The following SLC6A17 variants were observed in gnomAD, a reference collection of about 807,000 sequenced individuals.
SLC6A17 encodes sodium-dependent neutral amino acid transporter SLC6A17.
Under a neutral mutation model 64.5 loss-of-function variants are expected in SLC6A17, and 21 were observed. The ratio of observed to expected loss-of-function variants is 0.33; its 90% CI spans 0.23 to 0.47. The LOEUF is 0.47. SLC6A17 is among the 20% of genes least tolerant of loss of function. The pLI is 1.00. For synonymous variants in SLC6A17, 372 were observed against 399.5 expected, an observed-to-expected ratio of 0.93 and a Z score of 0.82; for missense variants, 682 against 963.2, an observed-to-expected ratio of 0.71 and a Z score of 3.86.
chr1:110,191,979 A>G lies in SLC6A17; in HGVS notation c.872A>G (p.Lys291Arg). 3 of 1,613,624 alleles carry G rather than the reference A, an allele frequency of 1.9e-6. No homozygotes were observed. Among genetic ancestry groups the G allele is most frequent in the Non-Finnish European group, 2.5e-6 (3 of 1,179,664 alleles). ...CTTGGTCTTCTGCCATAGCTGGACA[A>G]GATGCTGGACCCCCAGGTGTGGCGG... ...ILHMFTPKLD[K>R]MLDPQVWREA... The change falls in exon 7 of 12, where the codon AAG becomes AGG. Residue 291 changes from lysine (K) to arginine (R), a missense_variant. By Grantham distance (26) the Lys-to-Arg change is conservative (BLOSUM62 2). Around this residue, in one of 3 missense-constraint regions of SLC6A17, gnomAD observed 415 missense variants for 603.8 expected, o/e 0.69. Coordinates refer to ENST00000331565, the MANE Select transcript of SLC6A17 (RefSeq NM_001010898.4).
intron 3 of SLC6A17, among the ~76,000 whole-genome samples, chr1:110,173,294 G>C (rs1394362659): frequency 1.1e-4 from 16 of 152,230 alleles, no homozygotes; most frequent in Non-Finnish European, 1.5e-4. Flanking sequence ...TCTCACTGAT[G>C]CAGGAGACAG....
At chr1:110,175,468 A>G (rs1056929048) in intron 5 of SLC6A17, among the ~76,000 whole-genome samples, 3 of 152,166 alleles carry the variant, frequency 2.0e-5, no homozygotes, top group Non-Finnish European at 2.9e-5. Flanking sequence ...GCCAAGCCCC[A>G]CACCTCTTCC....
At chr1:110,197,091 G>T (rs908590537) in intron 10 of SLC6A17, among the ~76,000 whole-genome samples, 2 of 152,192 alleles carry the variant, frequency 1.3e-5, no homozygotes, top group African/African-American at 4.8e-5. Flanking sequence ...TTTTCCAGCA[G>T]GGGGAGCCTT....
At chr1:110,197,405 C>T in intron 10 of SLC6A17, 32 bp from the exon 11 acceptor site, 1 of 1,577,912 alleles carries the variant, frequency 6.3e-7, no homozygotes. Flanking sequence ...CTGAGGGATG[C>T]CAACTGCTGG....
At position 110,176,614 on chromosome 1, in the gene SLC6A17, C is replaced by G. The variant is rs373619926; in HGVS notation, c.754-15C>G. ...AAGGGCTCTGCCTGATGGGGGTTCC[C>G]TGTCCTCTCTGCAGGTGATGTATTT... On this transcript the variant is annotated splice_polypyrimidine_tract_variant and intron_variant, in intron 5 of 11. Transcript: ENST00000331565. The G allele has an allele frequency of 1.9e-6, 3 of 1,613,174 alleles. No homozygotes were observed. The African/African-American group carries it at 4.0e-5, about 22-fold the overall frequency.
rs996362736 is a variant in SLC6A17, at chr1:110,200,949, G to A, written c.*2505G>A. ...AGCCTCAGGGCCGGCAGGGTGCTTC[G>A]GGAGCCCCCTGCTACGGGGAAAGGC... is the stretch of plus-strand genomic sequence containing the variant. On this transcript the variant is annotated 3_prime_UTR_variant, in exon 12 of 12. Coordinates refer to ENST00000331565, the MANE Select transcript of SLC6A17 (RefSeq NM_001010898.4). 4.6e-5 allele frequency: 7 copies of A among 152,142 alleles called. No homozygotes were observed. The highest frequency in any genetic ancestry group is 1.4e-4 in the African/African-American group (6 of 41,460). 9.4% of individuals were successfully genotyped at this position (152,142 alleles called of 1,614,324 possible). A position where few individuals can be genotyped will look rare whatever the true frequency, so the allele number is the denominator to read the frequency against.
At position 110,157,034 on chromosome 1, in the gene SLC6A17, C is replaced by T. The variant is rs180908485; in HGVS notation, c.-88+6151C>T. Among the ~76,000 whole-genome samples, 4 of 152,344 alleles carry T rather than the reference C, an allele frequency of 2.6e-5. No individual in the cohort carries two copies. In the East Asian group the frequency reaches 5.8e-4, roughly 22 times the overall value. On this transcript the variant is annotated intron_variant, in intron 1 of 11. Transcript: ENST00000331565. ...AGGAAAGAAGGGAATGAGGCTTTCA[C>T]TAGTTATTCCTGGACTTTTATTTGC...
At chr1:110,181,852 G>A (rs913202380) in intron 6 of SLC6A17, among the ~76,000 whole-genome samples, 3 of 152,188 alleles carry the variant, frequency 2.0e-5, no homozygotes, top group Admixed American at 6.5e-5. Context: ...AGTGTGGCTC[G>A]AATAGGAGGG....
Position 110,157,650 on chromosome 1 carries a change from TC to T in SLC6A17, c.-88+6769del, listed in dbSNP as rs564618505. Reference sequence around the variant, plus strand: ...CACATTACTCCTCTGCTTGAAAACCTCCAACAGCTTCCCATTAGCCTTGAAA... The same window carrying T: ...CACATTACTCCTCTGCTTGAAAACCTCAACAGCTTCCCATTAGCCTTGAAA... On this transcript the variant is annotated intron_variant, in intron 1 of 11. Transcript: ENST00000331565. 7.2e-5 allele frequency among the ~76,000 whole-genome samples: 11 copies of T among 152,196 alleles called. No homozygotes were observed. The South Asian group carries it at 2.3e-3, about 32-fold the overall frequency.
chr1:110,176,550 C>A, intron 5 of SLC6A17, 79 bp from the exon 6 acceptor site: 1 of 1,376,622 alleles, frequency 7.3e-7, no homozygotes, highest in Non-Finnish European at 1.0e-6. Flanking sequence ...GGCTCATGTG[C>A]CCCAGATGTG....
intron 1 of SLC6A17, among the ~76,000 whole-genome samples, chr1:110,153,465 G>C (rs1423096673): frequency 6.6e-6 from 1 of 151,736 alleles, no homozygotes; most frequent in Non-Finnish European, 1.5e-5. Context: ...GGGATCCCCA[G>C]TGCAGCAAGA....
chr1:110,153,537 GT>G (rs1257599217), intron 1 of SLC6A17, among the ~76,000 whole-genome samples: 1 of 151,846 alleles, frequency 6.6e-6, no homozygotes, highest in Admixed American at 6.6e-5. Context: ...GTGTGTGTGT[GT>G]GTGTGTGTGT....
Position 110,198,238 on chromosome 1 carries a change from A to G in SLC6A17, c.1978A>G (p.Met660Val), listed in dbSNP as rs779679974. The part of the protein sequence containing the change: ...TLSVSYKKGR[M>V]MKDISNLEEN... Reference sequence around the variant, plus strand: ...CTCCGTGTCCTACAAGAAGGGCCGCATGATGAAGGACATCTCCAACCTGGA... The same window carrying G: ...CTCCGTGTCCTACAAGAAGGGCCGCGTGATGAAGGACATCTCCAACCTGGA... The change falls in exon 12 of 12, where the codon ATG (methionine) becomes GTG (valine). Residue 660 changes from methionine (M) to valine (V), a missense_variant. Met to Val is a conservative substitution (Grantham distance 21). This residue lies in a region of SLC6A17 where 264 missense variants were observed against 339.5 expected (regional missense o/e 0.78). Transcript: ENST00000331565. The G allele has an allele frequency of 6.2e-7, 1 of 1,614,188 alleles. No individual in the cohort carries two copies. Among genetic ancestry groups the G allele is most frequent in the East Asian group, 2.2e-5 (1 of 44,882 alleles).
intron 2 of SLC6A17, among the ~76,000 whole-genome samples, chr1:110,169,202 A>G (rs1656151408): frequency 6.6e-6 from 1 of 152,160 alleles, no homozygotes; most frequent in Non-Finnish European, 1.5e-5. Flanking sequence ...AAACTCTGGA[A>G]CACTCTCCTT....
chr1:110,170,683 G>A (rs905594300), intron 2 of SLC6A17, among the ~76,000 whole-genome samples: 4 of 152,204 alleles, frequency 2.6e-5, no homozygotes, highest in African/African-American at 9.7e-5. Flanking sequence ...CTGCTTGTTA[G>A]TGACGAGTTG....
At chr1:110,168,863 TCAC>T (rs941507973) in intron 2 of SLC6A17, among the ~76,000 whole-genome samples, 1 of 152,176 alleles carries the variant, frequency 6.6e-6, no homozygotes, top group Non-Finnish European at 1.5e-5. Flanking sequence ...GTGACACCAA[TCAC>T]CATGGCACCA....
At position 110,200,227 on chromosome 1, in the gene SLC6A17, C is replaced by T; in HGVS notation, c.*1783C>T. The stretch of plus-strand genomic sequence containing the variant: ...GGAGCAGTCTATCCCCCAACCCTGC[C>T]ATCTCCCTTACTCATCCCTCTTCCA... On this transcript the variant is annotated 3_prime_UTR_variant, in exon 12 of 12. Transcript: ENST00000331565. The T allele has an allele frequency of 5.0e-6, 2 of 397,580 alleles. No homozygotes were observed. The highest frequency in any genetic ancestry group is 8.8e-5 in the Admixed American group (2 of 22,694). 24.6% of individuals were successfully genotyped at this position (397,580 alleles called of 1,614,324 possible).
At chr1:110,159,691 T>A (rs1446187093) in intron 1 of SLC6A17, among the ~76,000 whole-genome samples, 2 of 152,188 alleles carry the variant, frequency 1.3e-5, no homozygotes, top group African/African-American at 4.8e-5. Context: ...CTTTTGAAAG[T>A]GGCCAAAAGT....
Position 110,174,974 on chromosome 1 carries a change from G to C in SLC6A17, c.753+14G>C. ...TCCTCGGGGAAGGTGAGTGCTGAGGGGGGCACCCAGGACCCAAATGGGGAA... is the reference window on the plus strand; with the variant it reads ...TCCTCGGGGAAGGTGAGTGCTGAGGCGGGCACCCAGGACCCAAATGGGGAA... On this transcript the variant is annotated intron_variant, in intron 5 of 11. Transcript: ENST00000331565. The C allele has an allele frequency of 6.2e-7, 1 of 1,608,620 alleles. No homozygotes were observed. The highest frequency in any genetic ancestry group is 8.5e-7 in the Non-Finnish European group (1 of 1,176,422).
Sources: gnomAD v4.1 joint callset for allele counts (sites outside exome capture counted in the v4.1 genomes callset) on GRCh38, gnomAD v4.1.1 for gene constraint, gnomAD v4.1.1 regional missense constraint, MANE v1.5 for transcripts, NCBI Gene and HGNC (gene_info 2026-07-23, HGNC 2026-07-21) for gene names.